The following OTUD7A variants were observed in gnomAD, a reference collection of about 807,000 sequenced individuals.
The protein encoded by OTUD7A is OTU domain-containing protein 7A.
A neutral mutation model predicts 65.7 loss-of-function variants in OTUD7A; 12 were observed. That is an observed-to-expected ratio of 0.18 (90% confidence interval 0.12 to 0.30). The LOEUF is 0.30. Among genes scored for constraint, OTUD7A ranks in the 10% least tolerant of loss-of-function variants. The pLI, the probability that OTUD7A is intolerant of heterozygous loss-of-function variation, is 1.00. For missense variants in OTUD7A, 1,148 were observed against 1,304.8 expected, an observed-to-expected ratio of 0.88 and a Z score of 1.85; for synonymous variants, 641 against 586.3, an observed-to-expected ratio of 1.09 and a Z score of -1.35.
chr15:31,526,512 C>T, intron 7 of OTUD7A, 51 bp from the exon 8 acceptor site: 1 of 1,409,196 alleles, frequency 7.1e-7, no homozygotes. Context: ...GCTGCGCTGC[C>T]CTCCTCTCCT....
At chr15:31,585,169 T>C (rs1287231820) in intron 3 of OTUD7A, among the ~76,000 whole-genome samples, 1 of 152,004 alleles carries the variant, frequency 6.6e-6, no homozygotes, top group Admixed American at 6.5e-5. Flanking sequence ...TATGGATGGG[T>C]GAGGATTTGA....
intron 8 of OTUD7A, among the ~76,000 whole-genome samples, chr15:31,516,271 G>T (rs1318756071): frequency 6.6e-6 from 1 of 152,254 alleles, no homozygotes; most frequent in Non-Finnish European, 1.5e-5. Flanking sequence ...CAGCAGCAAT[G>T]ATAGGATGGC....
At chr15:31,722,921 C>T (rs945949589) in intron 1 of OTUD7A, among the ~76,000 whole-genome samples, 3 of 152,254 alleles carry the variant, frequency 2.0e-5, no homozygotes, top group Non-Finnish European at 4.4e-5. Flanking sequence ...GCAGCTGTGA[C>T]CCAAATCCTC....
chr15:31,754,329 G>C (rs940731507), intron 1 of OTUD7A, among the ~76,000 whole-genome samples: 1 of 151,894 alleles, frequency 6.6e-6, no homozygotes, highest in Non-Finnish European at 1.5e-5. Context: ...TCTGCTGGCT[G>C]TTCCTTTTGC....
chr15:31,653,198 T>C (rs1409025657), intron 3 of OTUD7A, among the ~76,000 whole-genome samples: 3 of 150,696 alleles, frequency 2.0e-5, no homozygotes, highest in African/African-American at 7.4e-5. Flanking sequence ...GAGGTTGCAA[T>C]GAGCCGAGAT....
At chr15:31,659,080 T>TAAATAAATAAAA (rs1892084288) in intron 1 of OTUD7A, among the ~76,000 whole-genome samples, 1 of 136,394 alleles carries the variant, frequency 7.3e-6, no homozygotes, top group Non-Finnish European at 1.5e-5. Flanking sequence ...AATAAATAAA[T>TAAATAAATAAAA]AAAATAAAAT....
Position 31,649,160 on chromosome 15 carries a change from G to A in OTUD7A, c.151+5936C>T, listed in dbSNP as rs149844745. On this transcript the variant is annotated intron_variant, in intron 3 of 12. Coordinates refer to ENST00000307050, the MANE Select transcript of OTUD7A (RefSeq NM_001382637.1). ...CCTGGCTTCCTGCCCTGAAATAAAT[G>A]TCTCACTTTCTCTTACTGCAGTCTT... Among the ~76,000 whole-genome samples, 1,350 of 152,290 alleles carry A rather than the reference G, an allele frequency of 8.9e-3. 28 individuals carry two copies. Among genetic ancestry groups the A allele is most frequent in the African/African-American group, 0.031 (1,300 of 41,572 alleles).
Position 31,483,580 on chromosome 15 carries a change from C to G in OTUD7A, c.2516G>C (p.Gly839Ala), listed in dbSNP as rs761208780. 6.0e-5 allele frequency: 75 copies of G among 1,247,270 alleles called. No homozygotes were observed. Among genetic ancestry groups the G allele is most frequent in the Admixed American group, 1.3e-4 (3 of 23,196 alleles). 77.3% of individuals were successfully genotyped at this position (1,247,270 alleles called of 1,614,324 possible). A position where few individuals can be genotyped will look rare whatever the true frequency, so the allele number is the denominator to read the frequency against. ...CGTCCCCGCCGCGCCCGGTAGGGCC[C>G]CGGGCACCGCGCGCGCCAGCGACTC... ...TVESLARAVPGALPGAAGTAG... is the reference protein window; with the variant it reads ...TVESLARAVPAALPGAAGTAG... The change falls in exon 13 of 13, where the codon GGG becomes GCG. Residue 839 changes from glycine to alanine, a missense_variant. By Grantham distance (60) the Gly-to-Ala change is moderately conservative. Around this residue, in one of 6 missense-constraint regions of OTUD7A, gnomAD observed 842 missense variants for 769.5 expected, o/e 1.09. Coordinates refer to ENST00000307050, the MANE Select transcript of OTUD7A (RefSeq NM_001382637.1).
At chr15:31,678,961 C>A (rs74678898) in intron 1 of OTUD7A, among the ~76,000 whole-genome samples, 1 of 152,088 alleles carries the variant, frequency 6.6e-6, no homozygotes, top group Non-Finnish European at 1.5e-5. Flanking sequence ...CAGCCAGGAG[C>A]GGGTCTATAC....
intron 1 of OTUD7A, among the ~76,000 whole-genome samples, chr15:31,760,342 C>T (rs999457264): frequency 6.6e-6 from 1 of 152,186 alleles, no homozygotes; most frequent in African/African-American, 2.4e-5. Flanking sequence ...AGTTGCTCAT[C>T]TTAAAAATCA....
intron 1 of OTUD7A, among the ~76,000 whole-genome samples, chr15:31,733,463 C>T (rs1279076676): frequency 6.6e-6 from 1 of 152,230 alleles, no homozygotes; most frequent in East Asian, 1.9e-4. Context: ...CATCCTGCTG[C>T]TCAGCCTGAC....
intron 1 of OTUD7A, among the ~76,000 whole-genome samples, chr15:31,691,679 A>T (rs1347304530): frequency 9.7e-5 from 14 of 143,796 alleles, no homozygotes; most frequent in African/African-American, 1.3e-4. Flanking sequence ...TGGTTTGGGC[A>T]AAGATTTTTG....
intron 3 of OTUD7A, among the ~76,000 whole-genome samples, chr15:31,573,915 C>T (rs572279423): frequency 4.6e-5 from 7 of 151,038 alleles, no homozygotes; most frequent in Admixed American, 3.3e-4. Flanking sequence ...ATAACAACAA[C>T]AAAAAAAACA....
intron 1 of OTUD7A, among the ~76,000 whole-genome samples, chr15:31,679,718 T>A (rs1269312921): frequency 6.6e-6 from 1 of 152,182 alleles, no homozygotes; most frequent in Non-Finnish European, 1.5e-5. Context: ...GTGAGCCAAT[T>A]AAACCTCTTT....
intron 3 of OTUD7A, among the ~76,000 whole-genome samples, chr15:31,652,183 A>C (rs1891859966): frequency 6.6e-6 from 1 of 152,232 alleles, no homozygotes; most frequent in Non-Finnish European, 1.5e-5. Context: ...TATATTCCTT[A>C]CAAATACCCT....
intron 3 of OTUD7A, among the ~76,000 whole-genome samples, chr15:31,628,722 T>G (rs1312320773): frequency 1.3e-5 from 2 of 152,168 alleles, no homozygotes; most frequent in South Asian, 2.1e-4. Flanking sequence ...TTCCTACCCA[T>G]GAGCATGGAA....
Position 31,808,136 on chromosome 15 carries a change from C to CACACACAAAAAAA in OTUD7A, c.-100+62370_-100+62371insTTTTTTTGTGTGT, listed in dbSNP as rs772574742. On this transcript the variant is annotated intron_variant, in intron 1 of 12. Transcript: ENST00000307050. ...ACACACACACACACACACACACACA[C>CACACACAAAAAAA]AAACAAATCCTCACCAGGTTTTTCC... Among the ~76,000 whole-genome samples the CACACACAAAAAAA allele has an allele frequency of 6.7e-5, 8 of 119,512 alleles. 2 individuals carry two copies. The highest frequency in any genetic ancestry group is 4.7e-4 in the East Asian group (2 of 4,232). 78.4% of individuals were successfully genotyped at this position (119,512 alleles called of 152,430 possible).
At chr15:31,558,502 C>T (rs777633848) in intron 5 of OTUD7A, 2 of 175,122 alleles carry the variant, frequency 1.1e-5, no homozygotes, top group South Asian at 2.9e-4. Context: ...TACCCCAAAG[C>T]GTTGCCGGGT....
At chr15:31,515,684 C>T (rs2041838527) in intron 8 of OTUD7A, among the ~76,000 whole-genome samples, 1 of 142,804 alleles carries the variant, frequency 7.0e-6, no homozygotes, top group African/African-American at 2.6e-5. Context: ...CACCCATCCA[C>T]TTGTCCATCC....
Sources: gnomAD v4.1 joint callset for allele counts (sites outside exome capture counted in the v4.1 genomes callset) on GRCh38, gnomAD v4.1.1 for gene constraint, gnomAD v4.1.1 regional missense constraint, MANE v1.5 for transcripts, NCBI Gene and HGNC (gene_info 2026-07-23, HGNC 2026-07-21) for gene names.